Variants in BICC1 observed in about 807,000 individuals in gnomAD.
BICC1 encodes protein bicaudal C homolog 1.
Under a neutral mutation model 111.0 loss-of-function variants are expected in BICC1, and 43 were observed. The ratio of observed to expected loss-of-function variants is 0.39; its 90% CI spans 0.30 to 0.50. The LOEUF is 0.50. Among genes scored for constraint, BICC1 ranks in the 20% least tolerant of loss-of-function variants. BICC1 has a pLI of 0.88. For missense variants in BICC1, 1,091 were observed against 1,203.2 expected (o/e 0.91, Z 1.38); for synonymous variants, 467 against 434.4 (o/e 1.07, Z -0.93).
intron 2 of BICC1, chr10:58,650,250 T>G (rs1838404676): frequency 6.6e-6 from 1 of 152,182 alleles, no homozygotes; most frequent in Non-Finnish European, 1.5e-5. Context: ...CTTGCAAACC[T>G]GAGTTTCCTG....
chr10:58,766,982 C>T (rs1014472375), intron 3 of BICC1, among the ~76,000 whole-genome samples: 2 of 151,730 alleles, frequency 1.3e-5, no homozygotes, highest in African/African-American at 4.8e-5. Flanking sequence ...GCAGATAGGT[C>T]TTAGAATTCA....
chr10:58,643,688 G>A (rs1040376199), intron 2 of BICC1, among the ~76,000 whole-genome samples: 18 of 152,144 alleles, frequency 1.2e-4, no homozygotes, highest in African/African-American at 4.3e-4. Context: ...TTTGAGAGGA[G>A]GAACAATAAG....
At chr10:58,779,064 G>T (rs1045492309) in intron 3 of BICC1, among the ~76,000 whole-genome samples, 2 of 152,108 alleles carry the variant, frequency 1.3e-5, no homozygotes, top group Non-Finnish European at 2.9e-5. Context: ...TGTGATGTTG[G>T]TATGTTATTT....
chr10:58,653,612 A>G (rs937793024), intron 2 of BICC1, among the ~76,000 whole-genome samples: 1 of 152,170 alleles, frequency 6.6e-6, no homozygotes, highest in Non-Finnish European at 1.5e-5. Context: ...TTCATCTGCC[A>G]TCTGTTCAAT....
At chr10:58,748,908 C>G (rs1030451074) in intron 3 of BICC1, among the ~76,000 whole-genome samples, 3 of 152,064 alleles carry the variant, frequency 2.0e-5, no homozygotes, top group Non-Finnish European at 4.4e-5. Flanking sequence ...GAGGTCCTTC[C>G]AGTTTCTCCA....
At chr10:58,807,183 T>G (rs2132904517) in intron 17 of BICC1, 25 bp downstream of exon 17, 1 of 1,595,274 alleles carries the variant, frequency 6.3e-7, no homozygotes, top group East Asian at 2.3e-5. Context: ...GTCCTACTCA[T>G]TCTTCCTGTC....
chr10:58,557,515 C>T (rs1843486397), intron 1 of BICC1, among the ~76,000 whole-genome samples: 2 of 151,832 alleles, frequency 1.3e-5, no homozygotes, highest in Non-Finnish European at 2.9e-5. Context: ...GATGTTGTTC[C>T]ACAGCTTATT....
At chr10:58,808,411 G>A (rs1348688658) in intron 17 of BICC1, among the ~76,000 whole-genome samples, 1 of 152,194 alleles carries the variant, frequency 6.6e-6, no homozygotes, top group African/African-American at 2.4e-5. Context: ...TTTTGACGGA[G>A]TGAAGTGTGC....
chr10:58,678,382 G>A (rs758372852), intron 2 of BICC1, among the ~76,000 whole-genome samples: 1 of 152,054 alleles, frequency 6.6e-6, no homozygotes, highest in Non-Finnish European at 1.5e-5. Context: ...GCAAAAAAAA[G>A]CAGGGGTTGC....
intron 3 of BICC1, among the ~76,000 whole-genome samples, chr10:58,724,054 T>C (rs1235759464): frequency 6.1e-5 from 9 of 147,214 alleles, no homozygotes; most frequent in Admixed American, 2.6e-4. Context: ...GCAGCCAAGC[T>C]AATGTTCAGT....
intron 3 of BICC1, among the ~76,000 whole-genome samples, chr10:58,761,712 T>C (rs12783667): frequency 0.47 from 70,688 of 151,880 alleles, 16,664 homozygotes; most frequent in Admixed American, 0.57. Flanking sequence ...AGGATGTAAT[T>C]GGGCTCCTCT....
chr10:58,738,369 G>C (rs1182902912), intron 3 of BICC1, among the ~76,000 whole-genome samples: 3 of 151,662 alleles, frequency 2.0e-5, no homozygotes, highest in East Asian at 1.9e-4. Context: ...TCTTGTTTTT[G>C]TCAGATTTGT....
chr10:58,789,675 C>T lies in BICC1; in HGVS notation c.796-7C>T, dbSNP rs1843117501. The T allele has an allele frequency of 2.5e-6, 4 of 1,613,968 alleles. No homozygotes were observed. The East Asian group carries it at 8.9e-5, about 36-fold the overall frequency. ...AGGATTATTTCTTTCCCACCCTTTT[C>T]TCTTAGGAAGGAACTGCCATGCTGT... On this transcript the variant is annotated splice_region_variant and splice_polypyrimidine_tract_variant and intron_variant, in intron 7 of 20. Coordinates refer to ENST00000373886, the MANE Select transcript of BICC1 (RefSeq NM_001080512.3).
chr10:58,721,444 A>G (rs532897325), intron 3 of BICC1, among the ~76,000 whole-genome samples: 1 of 152,332 alleles, frequency 6.6e-6, no homozygotes, highest in East Asian at 1.9e-4. Context: ...TTCCCAGGTT[A>G]ATTAATGACT....
At chr10:58,725,828 G>C (rs1210252522) in intron 3 of BICC1, among the ~76,000 whole-genome samples, 2 of 152,140 alleles carry the variant, frequency 1.3e-5, no homozygotes, top group Non-Finnish European at 2.9e-5. Flanking sequence ...CATGTTTTCA[G>C]GGAAAAGGGA....
chr10:58,536,183 A>G (rs779366363), intron 1 of BICC1, among the ~76,000 whole-genome samples: 1 of 151,688 alleles, frequency 6.6e-6, no homozygotes, highest in Non-Finnish European at 1.5e-5. Flanking sequence ...GCAGAAAGTC[A>G]ACAAAGAAAT....
intron 3 of BICC1, among the ~76,000 whole-genome samples, chr10:58,763,533 C>G (rs1309746359): frequency 6.6e-6 from 1 of 152,158 alleles, no homozygotes; most frequent in Non-Finnish European, 1.5e-5. Context: ...TTGTGCCTCA[C>G]TGACCATTAG....
intron 1 of BICC1, among the ~76,000 whole-genome samples, chr10:58,542,150 CA>C (rs149049552): frequency 9.0e-4 from 74 of 82,352 alleles, no homozygotes; most frequent in South Asian, 4.3e-3. Flanking sequence ...GACCCTGTCT[CA>C]AAAAAAAAAA....
intron 3 of BICC1, among the ~76,000 whole-genome samples, chr10:58,771,944 A>G (rs1291065067): frequency 6.6e-6 from 1 of 152,218 alleles, no homozygotes; most frequent in East Asian, 1.9e-4. Flanking sequence ...AAAATGTGTC[A>G]GTTTAGATGA....
Sources: allele counts gnomAD v4.1 joint callset (sites outside exome capture counted in the v4.1 genomes callset), GRCh38; gene constraint gnomAD v4.1.1; transcripts MANE v1.5; gene names NCBI Gene and HGNC (gene_info 2026-07-23, HGNC 2026-07-21).